ITPR2: variants seen among roughly 807,000 people sequenced by gnomAD.
The protein encoded by ITPR2 is inositol 1,4,5-trisphosphate-gated calcium channel ITPR2.
In ITPR2, 207 loss-of-function variants were observed where a neutral mutation model predicts 317.1. That is an observed-to-expected ratio of 0.65 (90% CI 0.58 to 0.73). The LOEUF (loss-of-function observed/expected upper bound fraction) is 0.73. ITPR2 is among the 30% of genes least tolerant of loss of function. ITPR2 has a pLI of 0.00. For synonymous variants in ITPR2, 1,156 were observed against 1,149.1 expected, an observed-to-expected ratio of 1.01 and a Z score of -0.12; for missense variants, 2,613 against 3,284.0, an observed-to-expected ratio of 0.80 and a Z score of 4.99.
At chr12:26,627,921 TA>T (rs1284338269) in intron 23 of ITPR2, 111 bp downstream of exon 23, 10 of 955,846 alleles carry the variant, frequency 1.0e-5, no homozygotes, top group African/African-American at 3.4e-5. Flanking sequence ...TAAAGTATAA[TA>T]AAAAAATTTA....
At chr12:26,699,505 C>A (rs144084615) in intron 9 of ITPR2, among the ~76,000 whole-genome samples, 119 of 152,342 alleles carry the variant, frequency 7.8e-4, no homozygotes, top group African/African-American at 2.7e-3. Flanking sequence ...ATATTCATAT[C>A]TTTGGCAGCA....
chr12:26,395,309 A>G (rs1028483009), intron 54 of ITPR2, among the ~76,000 whole-genome samples: 7 of 152,130 alleles, frequency 4.6e-5, no homozygotes, highest in African/African-American at 1.7e-4. Flanking sequence ...ATTCAAGAAC[A>G]CTTCAATTTG....
chr12:26,354,163 A>C (rs1227740322), intron 55 of ITPR2, among the ~76,000 whole-genome samples: 1 of 152,058 alleles, frequency 6.6e-6, no homozygotes, highest in Non-Finnish European at 1.5e-5. Flanking sequence ...AATCCCAGCT[A>C]CTCAGGAGAC....
rs574944603 is a variant in ITPR2, at chr12:26,832,999, C to A, written c.-218G>T. On this transcript the variant is annotated 5_prime_UTR_variant, in exon 1 of 57. Transcript: ENST00000381340. ...GGCCAAGCCGCAGCTGCGGACACCC[C>A]GCGAAGAGCGCAGCCCAGGCGCCCA... The A allele has an allele frequency of 2.2e-5, 11 of 508,634 alleles. No individual in the cohort carries two copies. The highest frequency in any genetic ancestry group is 1.6e-4 in the African/African-American group (8 of 48,506). The allele number at this position is 508,634 out of a possible 1,614,324, so 31.5% of individuals were successfully genotyped here. A position where few individuals can be genotyped will look rare whatever the true frequency, so the allele number is the denominator to read the frequency against.
intron 9 of ITPR2, among the ~76,000 whole-genome samples, chr12:26,708,188 C>T (rs974285293): frequency 5.3e-5 from 8 of 152,214 alleles, no homozygotes; most frequent in African/African-American, 1.4e-4. Context: ...AACAGTATGG[C>T]GGTTCCTCAA....
chr12:26,436,816 G>A (rs1349643310), intron 47 of ITPR2, among the ~76,000 whole-genome samples: 1 of 152,152 alleles, frequency 6.6e-6, no homozygotes, highest in African/African-American at 2.4e-5. Flanking sequence ...AAATTCCTAT[G>A]ACAGTCACAG....
At chr12:26,568,264 C>T (rs1178072608) in intron 34 of ITPR2, among the ~76,000 whole-genome samples, 1 of 151,304 alleles carries the variant, frequency 6.6e-6, no homozygotes, top group Non-Finnish European at 1.5e-5. Flanking sequence ...TTGAGATACA[C>T]CTTGTTAAGG....
chr12:26,418,183 C>T (rs181036705), intron 50 of ITPR2, among the ~76,000 whole-genome samples: 1 of 152,246 alleles, frequency 6.6e-6, no homozygotes, highest in African/African-American at 2.4e-5. Flanking sequence ...AATAGGGAGG[C>T]AGGAGGTGCT....
At chr12:26,371,910 C>T (rs1027230002) in intron 55 of ITPR2, among the ~76,000 whole-genome samples, 7 of 152,070 alleles carry the variant, frequency 4.6e-5, no homozygotes, top group Admixed American at 6.6e-5. Context: ...TCCTTAAAAT[C>T]GGATTTTTAA....
intron 55 of ITPR2, among the ~76,000 whole-genome samples, chr12:26,370,405 G>T (rs78431336): frequency 0.062 from 9,427 of 152,118 alleles, 415 homozygotes; most frequent in Non-Finnish European, 0.094. Context: ...ATGGACCTGG[G>T]GAGAAATTTT....
intron 39 of ITPR2, among the ~76,000 whole-genome samples, chr12:26,488,523 C>T (rs184706701): frequency 3.8e-4 from 58 of 152,186 alleles, no homozygotes; most frequent in Non-Finnish European, 6.5e-4. Flanking sequence ...TCTTATGAAG[C>T]CTTAGATGTC....
chr12:26,571,833 GA>G (rs2137055972), intron 34 of ITPR2, among the ~76,000 whole-genome samples: 1 of 152,342 alleles, frequency 6.6e-6, no homozygotes, highest in East Asian at 1.9e-4. Context: ...CTGACTTAGA[GA>G]GTGCTTCTGC....
chr12:26,404,538 T>C (rs1940284969), intron 52 of ITPR2, among the ~76,000 whole-genome samples: 1 of 151,950 alleles, frequency 6.6e-6, no homozygotes, highest in African/African-American at 2.4e-5. Context: ...GATTAAACAA[T>C]AGGGTCATCA....
chr12:26,425,466 A>G (rs1941029254), intron 49 of ITPR2, among the ~76,000 whole-genome samples: 1 of 152,074 alleles, frequency 6.6e-6, no homozygotes, highest in Admixed American at 6.6e-5. Flanking sequence ...CAGGAGATCA[A>G]GACCATCCTG....
At chr12:26,740,783 T>C (rs1017395607) in intron 2 of ITPR2, among the ~76,000 whole-genome samples, 8 of 152,264 alleles carry the variant, frequency 5.3e-5, no homozygotes, top group African/African-American at 1.9e-4. Context: ...TAATTTATTA[T>C]GGACTATATG....
chr12:26,631,224 G>T (rs1011002992), intron 22 of ITPR2, among the ~76,000 whole-genome samples: 2 of 152,272 alleles, frequency 1.3e-5, no homozygotes, highest in Admixed American at 6.5e-5. Context: ...AGAATTTATA[G>T]CTCTCGTAAT....
chr12:26,759,628 T>C (rs11835781), intron 2 of ITPR2, among the ~76,000 whole-genome samples: 1,576 of 152,326 alleles, frequency 0.01, 26 homozygotes, highest in African/African-American at 0.035. Context: ...CAAGAATTAC[T>C]TCAAAGACTA....
chr12:26,814,675 T>G (rs980356656), intron 1 of ITPR2, among the ~76,000 whole-genome samples: 1 of 152,186 alleles, frequency 6.6e-6, no homozygotes, highest in African/African-American at 2.4e-5. Context: ...TGTTTTTTAA[T>G]GCTTTAATTT....
intron 54 of ITPR2, among the ~76,000 whole-genome samples, chr12:26,388,911 C>T (rs186854177): frequency 2.6e-5 from 4 of 152,278 alleles, no homozygotes; most frequent in African/African-American, 7.2e-5. Context: ...CCCTTTTATT[C>T]GATGGCAGCT....
Sources: gnomAD v4.1 joint callset for allele counts (sites outside exome capture counted in the v4.1 genomes callset) on GRCh38, gnomAD v4.1.1 for gene constraint, MANE v1.5 for transcripts, NCBI Gene and HGNC (gene_info 2026-07-23, HGNC 2026-07-21) for gene names.